The following ERC1 variants were observed in gnomAD, a reference collection of about 807,000 sequenced individuals.
The protein encoded by ERC1 is RAB6 interacting protein 2.
A neutral mutation model predicts 132.0 loss-of-function variants in ERC1; 56 were observed. The ratio of observed to expected loss-of-function variants is 0.42; its 90% confidence interval spans 0.34 to 0.53. The LOEUF (loss-of-function observed/expected upper bound fraction) is 0.53. ERC1 is among the 20% of genes least tolerant of loss of function. ERC1 has a pLI of 0.03. For missense variants in ERC1, 1,202 were observed against 1,349.9 expected (o/e 0.89, Z 1.72); for synonymous variants, 478 against 476.1 (o/e 1.00, Z -0.05).
intron 1 of ERC1, among the ~76,000 whole-genome samples, chr12:1,002,975 G>A (rs1962708446): frequency 6.7e-6 from 1 of 149,060 alleles, no homozygotes; most frequent in Non-Finnish European, 1.5e-5. Flanking sequence ...AGGAGGCCAG[G>A]CACCGTGGCT....
intron 5 of ERC1, among the ~76,000 whole-genome samples, chr12:1,111,463 C>G (rs570058669): frequency 6.6e-6 from 1 of 152,246 alleles, no homozygotes; most frequent in Admixed American, 6.5e-5. Flanking sequence ...ACATCACTTC[C>G]CCTCCAGTTT....
chr12:1,112,213 AG>A lies in ERC1; in HGVS notation c.1318del. ...TGAAAAAGAATAATAATGTCGTGAC[AG>A]GTAGAACAACTGAAGGAGGAACTAA... On this transcript the variant is annotated splice_acceptor_variant, in intron 5 of 18. Transcript: ENST00000360905. LOFTEE classifies it high-confidence loss of function. 2 of 1,602,472 alleles carry A rather than the reference AG, an allele frequency of 1.2e-6. No individual in the cohort carries two copies. The highest frequency in any genetic ancestry group is 1.7e-6 in the Non-Finnish European group (2 of 1,170,462).
Position 1,138,024 on chromosome 12 carries a change from A to G in ERC1, c.1570-3596A>G, listed in dbSNP as rs977331450. Among the ~76,000 whole-genome samples, 631 of 125,512 alleles carry G rather than the reference A, an allele frequency of 5.0e-3. 5 individuals are homozygous for G. The highest frequency in any genetic ancestry group is 0.011 in the Middle Eastern group (3 of 262). The allele number at this position is 125,512 out of a possible 152,430, so 82.3% of individuals were successfully genotyped here. A position where few individuals can be genotyped will look rare whatever the true frequency, so the allele number is the denominator to read the frequency against. On this transcript the variant is annotated intron_variant, in intron 7 of 18. Transcript: ENST00000360905. ...AATATATAAATGTGTAAATGTATAT[A>G]TTATATAATTATATATAAAATACAA...
chr12:1,392,993 G>A (rs1384956865), intron 16 of ERC1, among the ~76,000 whole-genome samples: 1 of 152,168 alleles, frequency 6.6e-6, no homozygotes, highest in Admixed American at 6.5e-5. Flanking sequence ...AATAGTCAGA[G>A]TATAGGAGAA....
At chr12:1,196,859 A>ACTCTCTCT in intron 12 of ERC1, among the ~76,000 whole-genome samples, 1 of 33,532 alleles carries the variant, frequency 3.0e-5, no homozygotes, top group Non-Finnish European at 7.2e-5. Flanking sequence ...TCTCTCTCTC[A>ACTCTCTCT]CTCTCTCTCT....
chr12:1,246,372 C>T (rs74537101), intron 13 of ERC1, among the ~76,000 whole-genome samples: 3,525 of 151,842 alleles, frequency 0.023, 58 homozygotes, highest in East Asian at 0.076. Flanking sequence ...GAATGAAATA[C>T]ATATCCATGA....
At position 1,064,678 on chromosome 12, in the gene ERC1, C is replaced by A. The variant is rs537385564; in HGVS notation, c.670-18486C>A. 2.6e-5 allele frequency among the ~76,000 whole-genome samples: 4 copies of A among 152,240 alleles called. No individual in the cohort carries two copies. The South Asian group carries it at 8.3e-4, about 32-fold the overall frequency. On this transcript the variant is annotated intron_variant, in intron 2 of 18. Coordinates refer to ENST00000360905, the MANE Select transcript of ERC1 (RefSeq NM_178040.4). ...AAAGCATTGGGATTGCAGGAGTTAG[C>A]CACCGTGTTCAGTGTAGAATTCTGT...
chr12:1,390,717 T>C (rs2089886844), intron 16 of ERC1: 1 of 152,234 alleles, frequency 6.6e-6, no homozygotes, highest in Non-Finnish European at 1.5e-5. Context: ...TGAACCCAGT[T>C]GTGGATTCAC....
At chr12:1,256,768 A>C (rs573062094) in intron 13 of ERC1, among the ~76,000 whole-genome samples, 2 of 150,818 alleles carry the variant, frequency 1.3e-5, no homozygotes, top group Admixed American at 6.6e-5. Flanking sequence ...AGTCTCCATA[A>C]TATCTGCCTT....
chr12:1,021,569 C>T (rs1419727075), intron 1 of ERC1, among the ~76,000 whole-genome samples: 9 of 151,902 alleles, frequency 5.9e-5, no homozygotes, highest in Middle Eastern at 3.4e-3. Context: ...CGTGGTGGCA[C>T]GCACCTGTAG....
chr12:1,370,380 T>C (rs899836747), intron 15 of ERC1, among the ~76,000 whole-genome samples: 14 of 152,236 alleles, frequency 9.2e-5, no homozygotes, highest in African/African-American at 2.9e-4. Context: ...AAGCCACAAC[T>C]GCAAACTTAT....
At chr12:1,235,866 G>C (rs1032781270) in intron 12 of ERC1, among the ~76,000 whole-genome samples, 9 of 152,148 alleles carry the variant, frequency 5.9e-5, no homozygotes, top group Admixed American at 2.6e-4. Context: ...AGTGCACCTA[G>C]CAGCATTATT....
chr12:1,219,557 C>T (rs147209796), intron 12 of ERC1, among the ~76,000 whole-genome samples: 131 of 151,970 alleles, frequency 8.6e-4, no homozygotes, highest in Non-Finnish European at 1.4e-3. Flanking sequence ...CAAATTACTG[C>T]AGCTGTTTTC....
chr12:1,336,093 G>A (rs909047389), intron 15 of ERC1, among the ~76,000 whole-genome samples: 2 of 151,992 alleles, frequency 1.3e-5, no homozygotes, highest in Non-Finnish European at 2.9e-5. Context: ...GTATTTCTGT[G>A]GGTTCGGTAA....
At chr12:1,197,723 G>A (rs76342115) in intron 12 of ERC1, among the ~76,000 whole-genome samples, 9 of 152,264 alleles carry the variant, frequency 5.9e-5, no homozygotes, top group East Asian at 5.8e-4. Flanking sequence ...TAGCATTGGC[G>A]TTTATCTATA....
At chr12:1,182,474 G>A (rs1335680583) in intron 10 of ERC1, among the ~76,000 whole-genome samples, 1 of 152,102 alleles carries the variant, frequency 6.6e-6, no homozygotes, top group Non-Finnish European at 1.5e-5. Context: ...AATATACTTT[G>A]GTCTTGTTTT....
chr12:1,394,304 G>A (rs2090335134), intron 16 of ERC1, among the ~76,000 whole-genome samples: 2 of 151,828 alleles, frequency 1.3e-5, no homozygotes, highest in South Asian at 2.1e-4. Context: ...GGAGGCTGAG[G>A]CAGGAGAATG....
intron 8 of ERC1, among the ~76,000 whole-genome samples, chr12:1,171,474 A>C (rs2154266107): frequency 6.6e-6 from 1 of 151,956 alleles, no homozygotes; most frequent in African/African-American, 2.4e-5. Context: ...AGAACCTGAA[A>C]AGGAAAAATT....
chr12:1,272,871 C>T (rs954426348), intron 14 of ERC1, among the ~76,000 whole-genome samples: 1 of 149,978 alleles, frequency 6.7e-6, no homozygotes, highest in South Asian at 2.1e-4. Flanking sequence ...TTGCTTGAAC[C>T]CGGGCAGCAG....
Sources: allele counts gnomAD v4.1 joint callset (sites outside exome capture counted in the v4.1 genomes callset), GRCh38; gene constraint gnomAD v4.1.1; transcripts MANE v1.5; gene names NCBI Gene and HGNC (gene_info 2026-07-23, HGNC 2026-07-21).